The following LRP1B variants were observed in gnomAD, a reference collection of about 807,000 sequenced individuals.
LRP1B encodes LDL receptor related protein 1B, also known as low-density lipoprotein receptor-related protein 1B.
In LRP1B, 217 loss-of-function variants were observed where a neutral mutation model predicts 556.6. The ratio of observed to expected loss-of-function variants is 0.39; its 90% CI spans 0.35 to 0.44. The LOEUF (loss-of-function observed/expected upper bound fraction) is 0.44. Among genes scored for constraint, LRP1B ranks in the 20% least tolerant of loss-of-function variants. The pLI is 1.00. For synonymous variants in LRP1B, 2,047 were observed against 1,865.8 expected (o/e 1.10, Z -2.50); for missense variants, 5,053 against 5,620.8 (o/e 0.90, Z 3.23).
At chr2:140,262,661 A>C (rs1681999484) in intron 86 of LRP1B, among the ~76,000 whole-genome samples, 1 of 152,136 alleles carries the variant, frequency 6.6e-6, no homozygotes, top group African/African-American at 2.4e-5. Flanking sequence ...GCAGAATAAT[A>C]AATGTAAATA....
intron 41 of LRP1B, among the ~76,000 whole-genome samples, chr2:140,678,758 G>A (rs896796079): frequency 6.9e-6 from 1 of 145,124 alleles, no homozygotes; most frequent in Admixed American, 7.4e-5. Flanking sequence ...TTCTTCTGAG[G>A]CTTCAATCTC....
At chr2:142,104,311 G>T (rs950861909) in intron 1 of LRP1B, among the ~76,000 whole-genome samples, 3 of 152,042 alleles carry the variant, frequency 2.0e-5, no homozygotes, top group Non-Finnish European at 4.4e-5. Context: ...TTCCACTTGT[G>T]AAAAGGAAGC....
At chr2:140,775,585 T>C (rs1268256395) in intron 33 of LRP1B, among the ~76,000 whole-genome samples, 2 of 150,994 alleles carry the variant, frequency 1.3e-5, no homozygotes, top group Non-Finnish European at 2.9e-5. Context: ...CTCTAATCCA[T>C]TTGCCATTTG....
intron 66 of LRP1B, among the ~76,000 whole-genome samples, chr2:140,404,515 A>G (rs1684650223): frequency 6.6e-6 from 1 of 152,136 alleles, no homozygotes. Flanking sequence ...TTATAAAACA[A>G]TAAGACAATA....
At chr2:141,820,972 T>C (rs909838063) in intron 1 of LRP1B, among the ~76,000 whole-genome samples, 1 of 152,180 alleles carries the variant, frequency 6.6e-6, no homozygotes, top group Non-Finnish European at 1.5e-5. Context: ...TCCTAGATTA[T>C]CCTAGTGGGC....
At chr2:141,901,531 TTAAA>T (rs1238244728) in intron 1 of LRP1B, among the ~76,000 whole-genome samples, 7 of 152,118 alleles carry the variant, frequency 4.6e-5, no homozygotes, top group African/African-American at 1.7e-4. Flanking sequence ...ATATTTATTC[TTAAA>T]TAATAATTTG....
intron 1 of LRP1B, 109 bp from the exon 2 acceptor site, chr2:141,810,510 T>G: frequency 1.8e-6 from 2 of 1,132,156 alleles, no homozygotes; most frequent in Admixed American, 4.4e-5. Context: ...TACATGAATA[T>G]GATCCACATT....
chr2:140,741,946 T>C (rs1006013741), intron 35 of LRP1B, among the ~76,000 whole-genome samples: 8 of 152,216 alleles, frequency 5.3e-5, no homozygotes, highest in Non-Finnish European at 7.3e-5. Context: ...GATCTCATTC[T>C]TTGTTATGGC....
chr2:141,320,436 G>C (rs2105469666), intron 3 of LRP1B, among the ~76,000 whole-genome samples: 1 of 152,108 alleles, frequency 6.6e-6, no homozygotes, highest in East Asian at 1.9e-4. Context: ...CAATCTTACG[G>C]AGTACGGGCG....
intron 41 of LRP1B, among the ~76,000 whole-genome samples, chr2:140,689,415 C>T (rs1249452434): frequency 2.6e-5 from 4 of 152,230 alleles, no homozygotes; most frequent in Admixed American, 6.5e-5. Flanking sequence ...TCTTCCACCA[C>T]GTGGCTGCAC....
chr2:141,792,069 C>T (rs940682330), intron 2 of LRP1B, among the ~76,000 whole-genome samples: 4 of 151,458 alleles, frequency 2.6e-5, no homozygotes, highest in South Asian at 2.1e-4. Flanking sequence ...GTATCAGTGC[C>T]GAATCCCAAG....
intron 20 of LRP1B, among the ~76,000 whole-genome samples, chr2:140,945,639 G>A (rs1695520308): frequency 6.6e-6 from 1 of 151,982 alleles, no homozygotes; most frequent in Non-Finnish European, 1.5e-5. Flanking sequence ...ATGGCGTTGG[G>A]AGCATTGGCT....
intron 49 of LRP1B, among the ~76,000 whole-genome samples, chr2:140,517,597 A>C (rs975362051): frequency 6.6e-6 from 1 of 152,000 alleles, no homozygotes; most frequent in African/African-American, 2.4e-5. Context: ...TTATCATAAA[A>C]AAGTACCTGT....
At chr2:140,649,892 A>T (rs1474235786) in intron 41 of LRP1B, among the ~76,000 whole-genome samples, 1 of 152,216 alleles carries the variant, frequency 6.6e-6, no homozygotes. Context: ...ATTTGTGCTA[A>T]TGTATCCATA....
At chr2:140,591,158 T>G (rs1219620176) in intron 43 of LRP1B, among the ~76,000 whole-genome samples, 1 of 152,234 alleles carries the variant, frequency 6.6e-6, no homozygotes, top group Admixed American at 6.5e-5. Flanking sequence ...AGTCTGAATA[T>G]TGAATGATGC....
chr2:141,761,854 C>T (rs1694563886), intron 2 of LRP1B, among the ~76,000 whole-genome samples: 1 of 152,166 alleles, frequency 6.6e-6, no homozygotes, highest in South Asian at 2.1e-4. Flanking sequence ...TGTATGACAT[C>T]TGTCTAGTAT....
At chr2:140,675,626 A>T (rs1019910344) in intron 41 of LRP1B, among the ~76,000 whole-genome samples, 1 of 152,140 alleles carries the variant, frequency 6.6e-6, no homozygotes, top group African/African-American at 2.4e-5. Context: ...AAAAAACAAA[A>T]AAAATAGCTG....
chr2:140,922,751 C>T (rs1694775063), intron 21 of LRP1B, among the ~76,000 whole-genome samples: 1 of 152,094 alleles, frequency 6.6e-6, no homozygotes, highest in South Asian at 2.1e-4. Flanking sequence ...AAAACTTCTC[C>T]TTGCCTCATG....
chr2:140,909,365 T>C (rs570272924), intron 21 of LRP1B, among the ~76,000 whole-genome samples: 1 of 152,182 alleles, frequency 6.6e-6, no homozygotes, highest in East Asian at 1.9e-4. Flanking sequence ...TTAAGTCTTA[T>C]AAGTAAATTT....
Sources: gnomAD v4.1 joint callset for allele counts (sites outside exome capture counted in the v4.1 genomes callset) on GRCh38, gnomAD v4.1.1 for gene constraint, MANE v1.5 for transcripts, NCBI Gene and HGNC (gene_info 2026-07-23, HGNC 2026-07-21) for gene names.